TP63: variants seen among roughly 807,000 people sequenced by gnomAD.
TP63 encodes tumor protein 63.
In TP63, 17 loss-of-function variants were observed where a neutral mutation model predicts 82.8. The ratio of observed to expected loss-of-function variants is 0.21; its 90% CI spans 0.14 to 0.31. The LOEUF (loss-of-function observed/expected upper bound fraction) is 0.31. Ranked by LOEUF, TP63 falls within the 10% of genes least tolerant of loss-of-function variation. The probability of loss-of-function intolerance (pLI) is 1.00; values close to 1 mark genes in which losing one functional copy is unlikely to be tolerated. For missense variants in TP63, 648 were observed against 895.3 expected, an observed-to-expected ratio of 0.72 and a Z score of 3.52; for synonymous variants, 330 against 321.7, an observed-to-expected ratio of 1.03 and a Z score of -0.28.
chr3:189,805,178 A>G (rs1300392518), intron 3 of TP63, among the ~76,000 whole-genome samples: 1 of 152,224 alleles, frequency 6.6e-6, no homozygotes, highest in Non-Finnish European at 1.5e-5. Context: ...TCCTCAGTAA[A>G]TGGAATTTTC....
chr3:189,632,388 CTG>C (rs1397269262), intron 1 of TP63, among the ~76,000 whole-genome samples: 1 of 152,110 alleles, frequency 6.6e-6, no homozygotes, highest in Non-Finnish European at 1.5e-5. Flanking sequence ...CATTTACCAC[CTG>C]TGTCTGTTGG....
rs115322447 is a variant in TP63, at chr3:189,853,298, A to G, written c.580-10934A>G. ...GCTCAAGCCCCTCTAGTGGCTTCCT[A>G]TCTCACACGAAAAAAGCTCAAGACC... On this transcript the variant is annotated intron_variant, in intron 4 of 13. Coordinates refer to ENST00000264731, the MANE Select transcript of TP63 (RefSeq NM_003722.5). 2.8e-3 allele frequency among the ~76,000 whole-genome samples: 432 copies of G among 152,256 alleles called. 3 individuals are homozygous for G. Among genetic ancestry groups the G allele is most frequent in the African/African-American group, 9.8e-3 (408 of 41,544 alleles).
intron 1 of TP63, among the ~76,000 whole-genome samples, chr3:189,646,949 C>T (rs576526802): frequency 3.4e-5 from 5 of 147,204 alleles, no homozygotes; most frequent in South Asian, 2.2e-4. Context: ...GAGAATGCCA[C>T]GATTTTCATT....
intron 3 of TP63, among the ~76,000 whole-genome samples, chr3:189,786,476 C>T (rs1334514966): frequency 2.0e-5 from 3 of 151,016 alleles, no homozygotes; most frequent in Non-Finnish European, 2.9e-5. Flanking sequence ...CACACACACA[C>T]ACACACGCAT....
In TP63 at chr3:189,822,775, G is replaced by A. The variant is rs115632979; in HGVS notation, c.579+14249G>A. 7.1e-3 allele frequency among the ~76,000 whole-genome samples: 1,084 copies of A among 152,280 alleles called. 11 individuals carry two copies. The highest frequency in any genetic ancestry group is 0.029 in the South Asian group (140 of 4,824). ...TAACGCTCTTCATCAGTTGTATAGA[G>A]CTCCTTCTTTATGGCCAGCTTTCCT... On this transcript the variant is annotated intron_variant, in intron 4 of 13. Coordinates refer to ENST00000264731, the MANE Select transcript of TP63 (RefSeq NM_003722.5).
At chr3:189,737,492 G>A (rs1720680761) in intron 1 of TP63, among the ~76,000 whole-genome samples, 1 of 152,112 alleles carries the variant, frequency 6.6e-6, no homozygotes, top group East Asian at 1.9e-4. Context: ...TATTAGTTAG[G>A]AAAGGAGAGC....
At chr3:189,875,021 C>G (rs1399147857) in intron 10 of TP63, among the ~76,000 whole-genome samples, 3 of 141,732 alleles carry the variant, frequency 2.1e-5, no homozygotes, top group Non-Finnish European at 4.5e-5. Flanking sequence ...GAAAAGGTCT[C>G]ATATGTAGTA....
At chr3:189,715,003 C>T (rs532844950) in intron 1 of TP63, among the ~76,000 whole-genome samples, 1 of 152,276 alleles carries the variant, frequency 6.6e-6, no homozygotes, top group Non-Finnish European at 1.5e-5. Flanking sequence ...TAAAGTTAGG[C>T]ATGGGCATGT....
chr3:189,643,462 A>T (rs1034321123), intron 1 of TP63, among the ~76,000 whole-genome samples: 2 of 151,784 alleles, frequency 1.3e-5, no homozygotes, highest in Non-Finnish European at 2.9e-5. Flanking sequence ...GATTAAAAAA[A>T]AAAAACCCTC....
At chr3:189,790,081 A>G (rs1188997670) in intron 3 of TP63, among the ~76,000 whole-genome samples, 1 of 151,826 alleles carries the variant, frequency 6.6e-6, no homozygotes, top group Non-Finnish European at 1.5e-5. Flanking sequence ...GACATTATGT[A>G]TTTGAAAAAA....
intron 1 of TP63, among the ~76,000 whole-genome samples, chr3:189,734,444 T>C (rs1304865774): frequency 6.6e-6 from 1 of 152,212 alleles, no homozygotes. Context: ...AATTCTCTGA[T>C]GTAACCTATT....
chr3:189,617,791 G>A, the TP63 span, among the ~76,000 whole-genome samples: 1 of 152,118 alleles, frequency 6.6e-6, no homozygotes, highest in Admixed American at 6.6e-5. Context: ...ACACAATGTG[G>A]GCATCACTCT....
chr3:189,722,194 C>CT (rs1167584154), intron 1 of TP63, among the ~76,000 whole-genome samples: 1 of 152,078 alleles, frequency 6.6e-6, no homozygotes, highest in Non-Finnish European at 1.5e-5. Context: ...GACAGCAGGG[C>CT]TTGGAAAGAA....
chr3:189,703,427 A>AATAAATAGATAGATAG (rs1553816179), intron 1 of TP63, among the ~76,000 whole-genome samples: 1 of 143,142 alleles, frequency 7.0e-6, no homozygotes, highest in Non-Finnish European at 1.5e-5. Context: ...CCCTGTCTAA[A>AATAAATAGATAGATAG]ATAGATAGAT....
intron 3 of TP63, among the ~76,000 whole-genome samples, chr3:189,765,265 G>C (rs1272514896): frequency 6.6e-6 from 1 of 151,696 alleles, no homozygotes; most frequent in Non-Finnish European, 1.5e-5. Flanking sequence ...AATCAGTTTT[G>C]TGACTAATTG....
chr3:189,637,343 C>T lies in TP63; in HGVS notation c.62+5766C>T, dbSNP rs143332873. ...ATTGTTCAGTTCTACTATTATATTA[C>T]GTGTATAGTGTGCCAGTGGACTGGA... On this transcript the variant is annotated intron_variant, in intron 1 of 13. Transcript: ENST00000264731. Among the ~76,000 whole-genome samples the T allele has an allele frequency of 4.3e-3, 660 of 152,142 alleles. 5 individuals are homozygous for T. Among genetic ancestry groups the T allele is most frequent in the Admixed American group, 7.4e-3 (113 of 15,262 alleles).
chr3:189,721,918 A>G (rs1719424080), intron 1 of TP63, among the ~76,000 whole-genome samples: 1 of 152,238 alleles, frequency 6.6e-6, no homozygotes, highest in South Asian at 2.1e-4. Flanking sequence ...AGCATCCCAG[A>G]TATTCTAATG....
intron 4 of TP63, among the ~76,000 whole-genome samples, chr3:189,855,117 G>A (rs945816132): frequency 3.9e-5 from 6 of 152,104 alleles, no homozygotes; most frequent in East Asian, 1.9e-4. Context: ...AATATATGGC[G>A]GATAGAAAGT....
At chr3:189,721,649 T>C (rs760070609) in intron 1 of TP63, among the ~76,000 whole-genome samples, 16 of 152,120 alleles carry the variant, frequency 1.1e-4, no homozygotes, top group Non-Finnish European at 2.2e-4. Context: ...TCAAACCACC[T>C]GGGAGGCTCT....
Sources: gnomAD v4.1 joint callset for allele counts (sites outside exome capture counted in the v4.1 genomes callset) on GRCh38, gnomAD v4.1.1 for gene constraint, MANE v1.5 for transcripts, NCBI Gene and HGNC (gene_info 2026-07-23, HGNC 2026-07-21) for gene names.